Variants in POGLUT3 observed in about 807,000 individuals in gnomAD.
The protein encoded by POGLUT3 is KDEL (Lys-Asp-Glu-Leu) containing 2.
In POGLUT3, 48 loss-of-function variants were observed where a neutral mutation model predicts 54.3. That is an observed-to-expected ratio of 0.88 (90% confidence interval 0.70 to 1.12). The LOEUF (loss-of-function observed/expected upper bound fraction) is 1.12, where lower values mean the gene tolerates loss of function less well. Among genes scored for constraint, POGLUT3 ranks in the 50% most tolerant of loss-of-function variants. The pLI, the probability that POGLUT3 is intolerant of heterozygous loss-of-function variation, is 0.00. For synonymous variants in POGLUT3, 218 were observed against 237.4 expected, an observed-to-expected ratio of 0.92 and a Z score of 0.75; for missense variants, 629 against 618.7, an observed-to-expected ratio of 1.02 and a Z score of -0.18.
intron 7 of POGLUT3, among the ~76,000 whole-genome samples, chr11:108,475,375 C>A (rs528400964): frequency 1.3e-5 from 2 of 152,108 alleles, no homozygotes; most frequent in African/African-American, 4.8e-5. Flanking sequence ...GGCCTATAGT[C>A]ACACGCATTT....
In POGLUT3 at chr11:108,498,050, A is replaced by G. The variant is rs943198209; in HGVS notation, c.202+115T>C. The G allele has an allele frequency of 1.6e-5, 15 of 922,898 alleles. No homozygotes were observed. In the African/African-American group the frequency reaches 2.0e-4, roughly 12 times the overall value. 57.2% of individuals were successfully genotyped at this position (922,898 alleles called of 1,614,324 possible). A position where few individuals can be genotyped will look rare whatever the true frequency, so the allele number is the denominator to read the frequency against. On this transcript the variant is annotated intron_variant, in intron 1 of 7. Coordinates refer to ENST00000323468, the MANE Select transcript of POGLUT3 (RefSeq NM_153705.5). The stretch of plus-strand genomic sequence containing the variant: ...GGAAGAGGAGCTGACCAGACCCAAA[A>G]AGGGGCGACACACGCCGGGGAGGGA...
chr11:108,489,907 A>AG (rs2093610100), intron 2 of POGLUT3, among the ~76,000 whole-genome samples: 1 of 152,148 alleles, frequency 6.6e-6, no homozygotes, highest in South Asian at 2.1e-4. Flanking sequence ...GTTTTGAGAC[A>AG]GGGGGTCTCA....
chr11:108,498,280 C>T lies in POGLUT3; in HGVS notation c.87G>A (p.Ala29=). 2 of 1,488,744 alleles carry T rather than the reference C, an allele frequency of 1.3e-6. No individual in the cohort carries two copies. Among genetic ancestry groups the T allele is most frequent in the East Asian group, 3.0e-5 (1 of 33,526 alleles). 92.2% of individuals were successfully genotyped at this position (1,488,744 alleles called of 1,614,324 possible). A position where few individuals can be genotyped will look rare whatever the true frequency, so the allele number is the denominator to read the frequency against. ...AAGAPEVLVS[A]PRSLVWGPGL... The stretch of plus-strand genomic sequence containing the variant: ...CGGGCCCCCACACCAGGCTCCGCGG[C>T]GCGCTGACCAGCACCTCCGGGGCCC... Residue 29 remains alanine (A), a synonymous_variant, in exon 1 of 8, where the codon GCG becomes GCA. Coordinates refer to ENST00000323468, the MANE Select transcript of POGLUT3 (RefSeq NM_153705.5).
intron 2 of POGLUT3, 40 bp from the exon 3 acceptor site, chr11:108,486,480 C>G: frequency 1.3e-6 from 2 of 1,591,476 alleles, no homozygotes; most frequent in Non-Finnish European, 1.7e-6. Context: ...ACTCCATTAG[C>G]AAGCACCACA....
At chr11:108,476,157 G>A (rs1409523143) in intron 7 of POGLUT3, among the ~76,000 whole-genome samples, 2 of 151,878 alleles carry the variant, frequency 1.3e-5, no homozygotes, top group Non-Finnish European at 2.9e-5. Flanking sequence ...ATTTTTAGAT[G>A]CATTTTGCTC....
In POGLUT3 at chr11:108,498,258, G is replaced by C; in HGVS notation, c.109C>G (p.Pro37Ala). Residue 37 changes from proline (P) to alanine (A), a missense_variant, in exon 1 of 8, where the codon CCC (proline) becomes GCC (alanine). By Grantham distance (27) the Pro-to-Ala change is conservative. Transcript: ENST00000323468. Reference sequence around the variant, plus strand: ...AGGACGACGGCCGCCTGCAGCCCGGGCCCCCACACCAGGCTCCGCGGCGCG... The same window carrying C: ...AGGACGACGGCCGCCTGCAGCCCGGCCCCCCACACCAGGCTCCGCGGCGCG... Reference protein sequence around the residue: ...VSAPRSLVWGPGLQAAVVLPV... With the variant: ...VSAPRSLVWGAGLQAAVVLPV... The C allele has an allele frequency of 6.7e-7, 1 of 1,502,760 alleles. No individual in the cohort carries two copies. 93.1% of individuals were successfully genotyped at this position (1,502,760 alleles called of 1,614,324 possible).
chr11:108,493,473 A>C (rs1481593026), intron 1 of POGLUT3, among the ~76,000 whole-genome samples: 1 of 152,190 alleles, frequency 6.6e-6, no homozygotes, highest in Non-Finnish European at 1.5e-5. Flanking sequence ...AAGGCATGAA[A>C]ATTCTCATTA....
intron 3 of POGLUT3, among the ~76,000 whole-genome samples, chr11:108,484,384 C>G (rs9666671): frequency 0.02 from 3,084 of 152,152 alleles, 97 homozygotes; most frequent in African/African-American, 0.07. Flanking sequence ...TTGGGGACTG[C>G]TATTTAAAGT....
At chr11:108,494,054 T>C (rs2093617853) in intron 1 of POGLUT3, among the ~76,000 whole-genome samples, 1 of 152,202 alleles carries the variant, frequency 6.6e-6, no homozygotes, top group South Asian at 2.1e-4. Context: ...ATGTATTTTC[T>C]ATGTCATTTA....
chr11:108,490,061 T>A (rs2093610393), intron 2 of POGLUT3, among the ~76,000 whole-genome samples: 2 of 152,070 alleles, frequency 1.3e-5, no homozygotes, highest in African/African-American at 4.8e-5. Context: ...TAATTTTTTG[T>A]AGAGATGGGT....
Position 108,474,645 on chromosome 11 carries a change from C to A in POGLUT3, c.*182G>T. 2 of 503,342 alleles carry A rather than the reference C, an allele frequency of 4.0e-6. No homozygotes were observed. Among genetic ancestry groups the A allele is most frequent in the Non-Finnish European group, 6.8e-6 (2 of 296,230 alleles). The allele number at this position is 503,342 out of a possible 1,614,324, so 31.2% of individuals were successfully genotyped here. On this transcript the variant is annotated 3_prime_UTR_variant, in exon 8 of 8. Coordinates refer to ENST00000323468, the MANE Select transcript of POGLUT3 (RefSeq NM_153705.5). Reference sequence around the variant, plus strand: ...TAAAAAATCTGAAGCCTGAAACACTCCTGGTCCTAAGCATTTCAGATGAGG... The same window carrying A: ...TAAAAAATCTGAAGCCTGAAACACTACTGGTCCTAAGCATTTCAGATGAGG...
At chr11:108,488,412 A>G (rs1019939298) in intron 2 of POGLUT3, among the ~76,000 whole-genome samples, 24 of 152,188 alleles carry the variant, frequency 1.6e-4, no homozygotes, top group Non-Finnish European at 2.8e-4. Flanking sequence ...AAGCCCTACA[A>G]TTCCTACAGC....
At chr11:108,482,252 C>T in intron 3 of POGLUT3, 30 bp from the exon 4 acceptor site, 1 of 1,490,706 alleles carries the variant, frequency 6.7e-7, no homozygotes, top group Non-Finnish European at 9.3e-7. Context: ...AACATCAGTG[C>T]TGGGAAGATC....
In POGLUT3 at chr11:108,498,260, C is replaced by A; in HGVS notation, c.107G>T (p.Gly36Val). 6.7e-7 allele frequency: 1 copy of A among 1,500,560 alleles called. No individual in the cohort carries two copies. The highest frequency in any genetic ancestry group is 8.9e-7 in the Non-Finnish European group (1 of 1,125,434). 93.0% of individuals were successfully genotyped at this position (1,500,560 alleles called of 1,614,324 possible). ...GACGACGGCCGCCTGCAGCCCGGGC[C>A]CCCACACCAGGCTCCGCGGCGCGCT... is the stretch of plus-strand genomic sequence containing the variant. ...LVSAPRSLVWGPGLQAAVVLP... is the reference protein window; with the variant it reads ...LVSAPRSLVWVPGLQAAVVLP... Residue 36 changes from glycine (G) to valine (V), a missense_variant, in exon 1 of 8, where the codon GGG becomes GTG. By Grantham distance (109) the Gly-to-Val change is moderately radical. Transcript: ENST00000323468.
chr11:108,489,125 G>A (rs952232854), intron 2 of POGLUT3, among the ~76,000 whole-genome samples: 5 of 152,064 alleles, frequency 3.3e-5, no homozygotes, highest in African/African-American at 9.7e-5. Flanking sequence ...ACAACAGATC[G>A]TACATTGCAG....
At chr11:108,489,610 A>T (rs887386955) in intron 2 of POGLUT3, among the ~76,000 whole-genome samples, 1 of 152,182 alleles carries the variant, frequency 6.6e-6, no homozygotes, top group Non-Finnish European at 1.5e-5. Flanking sequence ...ATAACTAGAG[A>T]CAATGTCTTT....
intron 7 of POGLUT3, among the ~76,000 whole-genome samples, chr11:108,475,349 C>G (rs1219970149): frequency 6.6e-6 from 1 of 152,066 alleles, no homozygotes; most frequent in African/African-American, 2.4e-5. Flanking sequence ...GGCAGTCTCA[C>G]ACATTCTTTC....
At chr11:108,486,126 A>C in intron 3 of POGLUT3, 31 bp downstream of exon 3, 1 of 1,481,966 alleles carries the variant, frequency 6.7e-7, no homozygotes, top group African/African-American at 1.4e-5. Context: ...TAAATAATTA[A>C]ACTGTATTAT....
At chr11:108,477,753 T>G (rs754852571) in intron 6 of POGLUT3, 42 bp from the exon 7 acceptor site, 15 of 1,288,684 alleles carry the variant, frequency 1.2e-5, no homozygotes, top group Non-Finnish European at 1.6e-5. Context: ...AAATTACTAC[T>G]GCGACCCACA....
Sources: gnomAD v4.1 joint callset for allele counts (sites outside exome capture counted in the v4.1 genomes callset) on GRCh38, gnomAD v4.1.1 for gene constraint, MANE v1.5 for transcripts, NCBI Gene and HGNC (gene_info 2026-07-23, HGNC 2026-07-21) for gene names.